PPIH: variants seen among roughly 807,000 people sequenced by gnomAD.
PPIH encodes the protein peptidyl-prolyl cis-trans isomerase H.
A neutral mutation model predicts 27.6 loss-of-function variants in PPIH; 16 were observed. That is an observed-to-expected ratio of 0.58 (90% CI 0.39 to 0.88). The LOEUF (loss-of-function observed/expected upper bound fraction) is 0.88. PPIH is among the 40% of genes least tolerant of loss of function. The probability of loss-of-function intolerance (pLI) is 0.00; values close to 1 mark genes in which losing one functional copy is unlikely to be tolerated. For synonymous variants in PPIH, 63 were observed against 76.1 expected, an observed-to-expected ratio of 0.83 and a Z score of 0.90; for missense variants, 155 against 224.1, an observed-to-expected ratio of 0.69 and a Z score of 1.97.
intron 4 of PPIH, among the ~76,000 whole-genome samples, chr1:42,660,395 TC>T (rs1281095107): frequency 6.6e-6 from 1 of 152,210 alleles, no homozygotes; most frequent in Non-Finnish European, 1.5e-5. Flanking sequence ...TTCAGCTTAA[TC>T]ATTCAGGAAA....
At chr1:42,670,859 C>T (rs1649593449) in intron 9 of PPIH, among the ~76,000 whole-genome samples, 1 of 152,026 alleles carries the variant, frequency 6.6e-6, no homozygotes, top group Admixed American at 6.6e-5. Context: ...ACAGTGGCGC[C>T]GTCTTGGCTC....
chr1:42,660,833 T>G, intron 4 of PPIH, 29 bp from the exon 5 acceptor site: 1 of 1,554,402 alleles, frequency 6.4e-7, no homozygotes, highest in Non-Finnish European at 8.7e-7. Flanking sequence ...CCATAAAATC[T>G]TCTCAGTATT....
chr1:42,665,282 G>C (rs1649267187), intron 6 of PPIH, among the ~76,000 whole-genome samples: 1 of 152,278 alleles, frequency 6.6e-6, no homozygotes, highest in Non-Finnish European at 1.5e-5. Context: ...GTGGGTGCCT[G>C]TAATCCCATC....
At chr1:42,658,599 C>T (rs1557507495) in intron 1 of PPIH, 87 bp downstream of exon 1, 4 of 1,447,580 alleles carry the variant, frequency 2.8e-6, no homozygotes, top group Non-Finnish European at 9.6e-7. Context: ...AGAGCGGACT[C>T]GGGAAGCCAG....
intron 9 of PPIH, among the ~76,000 whole-genome samples, chr1:42,674,438 G>A (rs539356192): frequency 2.6e-5 from 4 of 152,294 alleles, no homozygotes; most frequent in African/African-American, 7.2e-5. Flanking sequence ...GAGAGGCCAG[G>A]GCCAGTAGTG....
chr1:42,664,905 G>A lies in PPIH; in HGVS notation c.286G>A (p.Ala96Thr). The A allele has an allele frequency of 1.2e-6, 2 of 1,613,822 alleles. No individual in the cohort carries two copies. Among genetic ancestry groups the A allele is most frequent in the African/African-American group, 2.7e-5 (2 of 75,002 alleles). The change falls in exon 6 of 10, where the codon GCA (alanine) becomes ACA (threonine). Residue 96 changes from alanine to threonine, a missense_variant. Ala to Thr is a moderately conservative substitution (Grantham distance 58). Coordinates refer to ENST00000304979, the MANE Select transcript of PPIH (RefSeq NM_006347.4). Reference sequence around the variant, plus strand: ...CGCCAGTATTTACCGGGGGCCATTTGCAGATGAAAATTTTAAACTTAGACA... The same window carrying A: ...CGCCAGTATTTACCGGGGGCCATTTACAGATGAAAATTTTAAACTTAGACA... ...GVASIYRGPFADENFKLRHSA... is the reference protein window; with the variant it reads ...GVASIYRGPFTDENFKLRHSA...
chr1:42,664,993 G>A, intron 6 of PPIH, 38 bp downstream of exon 6: 1 of 1,572,510 alleles, frequency 6.4e-7, no homozygotes, highest in Non-Finnish European at 8.7e-7. Flanking sequence ...GTTATAGCCA[G>A]CTGGTTCCTG....
chr1:42,669,077 G>A (rs755000950), intron 9 of PPIH, among the ~76,000 whole-genome samples: 4 of 151,688 alleles, frequency 2.6e-5, no homozygotes, highest in Non-Finnish European at 5.9e-5. Context: ...AGGTGTGGTG[G>A]TGCATGCCTG....
At chr1:42,668,784 C>T (rs12121067) in intron 9 of PPIH, among the ~76,000 whole-genome samples, 15,180 of 152,234 alleles carry the variant, frequency 0.1, 1,034 homozygotes, top group East Asian at 0.29. Flanking sequence ...CCATCAGGGC[C>T]TTTGCCTTGC....
At chr1:42,665,491 A>T (rs1649281921) in intron 6 of PPIH, among the ~76,000 whole-genome samples, 1 of 152,060 alleles carries the variant, frequency 6.6e-6, no homozygotes, top group Non-Finnish European at 1.5e-5. Context: ...CTGAACCAGG[A>T]TTTGTGTCTG....
chr1:42,677,687 A>G (rs1309860437), downstream of PPIH, among the ~76,000 whole-genome samples: 1 of 152,134 alleles, frequency 6.6e-6, no homozygotes, highest in Non-Finnish European at 1.5e-5. Flanking sequence ...TTAGCTGAGT[A>G]TGGTGGCACA....
chr1:42,661,185 A>G (rs1648994981), intron 5 of PPIH, among the ~76,000 whole-genome samples: 1 of 152,236 alleles, frequency 6.6e-6, no homozygotes, highest in African/African-American at 2.4e-5. Context: ...GAATACCTAT[A>G]GATGATCTAT....
downstream of PPIH, chr1:42,678,903 A>G (rs139924482): frequency 6.6e-6 from 1 of 152,408 alleles, no homozygotes; most frequent in African/African-American, 2.4e-5. Flanking sequence ...TGCCAGATCA[A>G]CAAGGTGGCG....
At chr1:42,667,221 G>A in intron 8 of PPIH, 130 bp from the exon 9 acceptor site, 1 of 728,032 alleles carries the variant, frequency 1.4e-6, no homozygotes, top group Non-Finnish European at 2.4e-6. Flanking sequence ...TGCTTTACCT[G>A]TCTGCCAGGA....
intron 6 of PPIH, among the ~76,000 whole-genome samples, chr1:42,665,376 GC>G (rs1434796652): frequency 6.6e-6 from 1 of 152,148 alleles, no homozygotes; most frequent in African/African-American, 2.4e-5. Flanking sequence ...CTGCACTCCA[GC>G]CTGGGCAACA....
In PPIH at chr1:42,667,438, C is replaced by A. The variant is rs1257374760; in HGVS notation, c.*19C>A. ...GATGTAGTCCAGACAAAGACTGAAT[C>A]AGGTAAGTGTGTCTTTCTCCTATTA... On this transcript the variant is annotated splice_region_variant and 3_prime_UTR_variant, in exon 9 of 10. Coordinates refer to ENST00000304979, the MANE Select transcript of PPIH (RefSeq NM_006347.4). 1.9e-6 allele frequency: 3 copies of A among 1,566,338 alleles called. No homozygotes were observed. Among genetic ancestry groups the A allele is most frequent in the Non-Finnish European group, 2.6e-6 (3 of 1,136,906 alleles).
downstream of PPIH, among the ~76,000 whole-genome samples, chr1:42,677,678 T>A (rs896704695): frequency 2.6e-5 from 4 of 151,970 alleles, no homozygotes; most frequent in Non-Finnish European, 5.9e-5. Context: ...ACAAAAAAAT[T>A]AGCTGAGTAT....
intron 6 of PPIH, 114 bp downstream of exon 6, chr1:42,665,069 C>A: frequency 1.1e-6 from 1 of 875,878 alleles, no homozygotes; most frequent in Non-Finnish European, 1.8e-6. Flanking sequence ...TCTTGCTTGG[C>A]CCAGGACTCA....
intron 9 of PPIH, 96 bp from the exon 10 acceptor site, chr1:42,676,487 GC>G (rs1649892764): frequency 6.6e-6 from 1 of 151,630 alleles, no homozygotes; most frequent in Non-Finnish European, 1.5e-5. Flanking sequence ...AAAGAGAATA[GC>G]TGGGAGCATT....
Sources: allele counts gnomAD v4.1 joint callset (sites outside exome capture counted in the v4.1 genomes callset), GRCh38; gene constraint gnomAD v4.1.1; transcripts MANE v1.5; gene names NCBI Gene and HGNC (gene_info 2026-07-23, HGNC 2026-07-21).